Variants in FIG4 observed in about 807,000 individuals in gnomAD.
FIG4 encodes the protein polyphosphoinositide phosphatase.
In FIG4, 112 loss-of-function variants were observed where a neutral mutation model predicts 118.6. That is an observed-to-expected ratio of 0.94 (90% confidence interval 0.81 to 1.11). FIG4 has a LOEUF of 1.11. Among genes scored for constraint, FIG4 ranks in the 50% least tolerant of loss-of-function variants. FIG4 has a pLI of 0.00. For synonymous variants in FIG4, 369 were observed against 381.2 expected, an observed-to-expected ratio of 0.97 and a Z score of 0.37; for missense variants, 969 against 1,111.7, an observed-to-expected ratio of 0.87 and a Z score of 1.83.
At chr6:109,800,227 A>G (rs1343313420) in intron 22 of FIG4, among the ~76,000 whole-genome samples, 2 of 152,114 alleles carry the variant, frequency 1.3e-5, no homozygotes, top group Admixed American at 6.6e-5. Flanking sequence ...CTGCTTTCCA[A>G]TCACTGGGGT....
chr6:109,753,317 C>G (rs1268814237), intron 10 of FIG4, among the ~76,000 whole-genome samples: 1 of 151,958 alleles, frequency 6.6e-6, no homozygotes, highest in African/African-American at 2.4e-5. Context: ...TGTTTTGGTA[C>G]CAGTACCATG....
chr6:109,729,060 A>G (rs1004259780), intron 4 of FIG4, among the ~76,000 whole-genome samples: 4 of 152,304 alleles, frequency 2.6e-5, no homozygotes, highest in Middle Eastern at 3.4e-3. Context: ...ATAAAACTAT[A>G]TAATCCAATA....
intron 22 of FIG4, among the ~76,000 whole-genome samples, chr6:109,818,447 G>T (rs933615626): frequency 6.6e-6 from 1 of 152,096 alleles, no homozygotes; most frequent in Admixed American, 6.6e-5. Context: ...TGATCTGCCT[G>T]CCTCGGTCTC....
chr6:109,724,132 C>A (rs1011661560), intron 3 of FIG4, among the ~76,000 whole-genome samples: 1 of 151,956 alleles, frequency 6.6e-6, no homozygotes, highest in East Asian at 1.9e-4. Flanking sequence ...GGAGGTTCCA[C>A]GAACAAACGA....
intron 21 of FIG4, among the ~76,000 whole-genome samples, chr6:109,794,088 A>G (rs970673325): frequency 6.6e-5 from 10 of 152,230 alleles, no homozygotes; most frequent in African/African-American, 2.4e-4. Context: ...CAAGGATTGA[A>G]GGGGTTACTT....
intron 15 of FIG4, among the ~76,000 whole-genome samples, chr6:109,772,257 C>G (rs1777488946): frequency 6.6e-6 from 1 of 152,190 alleles, no homozygotes; most frequent in South Asian, 2.1e-4. Flanking sequence ...GAGAGAGTCT[C>G]AGTCTCCTAT....
chr6:109,807,940 T>C (rs140109251), intron 22 of FIG4, among the ~76,000 whole-genome samples: 84 of 152,290 alleles, frequency 5.5e-4, no homozygotes, highest in African/African-American at 2.0e-3. Context: ...AGGCCTCTGT[T>C]CTGAACAGAG....
At chr6:109,807,789 G>A (rs1428038097) in intron 22 of FIG4, among the ~76,000 whole-genome samples, 1 of 152,270 alleles carries the variant, frequency 6.6e-6, no homozygotes, top group Non-Finnish European at 1.5e-5. Flanking sequence ...TTTGTATAAG[G>A]TGTAAGGAAG....
At chr6:109,764,815 C>A (rs1777230904) in intron 13 of FIG4, among the ~76,000 whole-genome samples, 198 bp from the exon 14 acceptor site, 1 of 152,170 alleles carries the variant, frequency 6.6e-6, no homozygotes, top group African/African-American at 2.4e-5. Context: ...CCTTATGCAA[C>A]TTTAAACATG....
In FIG4 at chr6:109,738,354, A is replaced by G. The variant is rs367828752; in HGVS notation, c.676A>G (p.Met226Val). The G allele has an allele frequency of 9.9e-6, 16 of 1,609,500 alleles. No individual in the cohort carries two copies. The highest frequency in any genetic ancestry group is 8.0e-5 in the African/African-American group (6 of 74,908). ...ATTTGGGATCTGTAGTGAGCCTTAT[A>G]TGAAATATGTATGGAATGGTGAACT... ...GVFGICSEPYMKYVWNGELLD... is the reference protein window; with the variant it reads ...GVFGICSEPYVKYVWNGELLD... The change falls in exon 7 of 23, where the codon ATG becomes GTG. Residue 226 changes from methionine to valine, a missense_variant. By Grantham distance (21) the Met-to-Val change is conservative (BLOSUM62 1). Transcript: ENST00000230124.
At chr6:109,781,350 C>T (rs1353910728) in intron 16 of FIG4, among the ~76,000 whole-genome samples, 1 of 152,152 alleles carries the variant, frequency 6.6e-6, no homozygotes, top group Non-Finnish European at 1.5e-5. Flanking sequence ...TCAGCTGTTC[C>T]TCATATGCTG....
At chr6:109,709,946 T>C (rs1775206782) in intron 1 of FIG4, among the ~76,000 whole-genome samples, 1 of 152,188 alleles carries the variant, frequency 6.6e-6, no homozygotes, top group Non-Finnish European at 1.5e-5. Context: ...TTGGATACCT[T>C]TTATTTCTTT....
At chr6:109,724,082 A>G (rs1199522184) in intron 3 of FIG4, among the ~76,000 whole-genome samples, 3 of 151,656 alleles carry the variant, frequency 2.0e-5, no homozygotes, top group Non-Finnish European at 4.4e-5. Context: ...ACGTATATCC[A>G]TTGGTTTTTG....
At chr6:109,789,280 A>T (rs1778070266) in intron 18 of FIG4, among the ~76,000 whole-genome samples, 1 of 152,252 alleles carries the variant, frequency 6.6e-6, no homozygotes, top group Non-Finnish European at 1.5e-5. Flanking sequence ...ATTCAAAACT[A>T]CTGGGCCTTG....
At chr6:109,715,946 T>C (rs1775416016) in intron 2 of FIG4, among the ~76,000 whole-genome samples, 2 of 152,228 alleles carry the variant, frequency 1.3e-5, no homozygotes, top group South Asian at 4.1e-4. Context: ...GATAAATTCT[T>C]TGTTACGATT....
At chr6:109,794,494 C>T (rs1375704068) in intron 21 of FIG4, among the ~76,000 whole-genome samples, 2 of 152,206 alleles carry the variant, frequency 1.3e-5, no homozygotes, top group African/African-American at 4.8e-5. Context: ...GAATATCTCC[C>T]CTCTCCATCT....
chr6:109,691,737 G>A (rs1251885823), intron 1 of FIG4, among the ~76,000 whole-genome samples: 1 of 152,174 alleles, frequency 6.6e-6, no homozygotes, highest in Non-Finnish European at 1.5e-5. Context: ...AGCCATGGCT[G>A]GAACACGCTG....
chr6:109,733,984 G>A (rs1562652137), intron 5 of FIG4, among the ~76,000 whole-genome samples: 1 of 151,864 alleles, frequency 6.6e-6, no homozygotes, highest in Non-Finnish European at 1.5e-5. Flanking sequence ...TAGAAAAAAG[G>A]AATTGTTTTA....
At chr6:109,715,667 G>C (rs902120469) in intron 2 of FIG4, among the ~76,000 whole-genome samples, 5 of 152,124 alleles carry the variant, frequency 3.3e-5, no homozygotes, top group Non-Finnish European at 5.9e-5. Flanking sequence ...AGATTATCCA[G>C]AGTCAAGAAT....
Sources: gnomAD v4.1 joint callset for allele counts (sites outside exome capture counted in the v4.1 genomes callset) on GRCh38, gnomAD v4.1.1 for gene constraint, MANE v1.5 for transcripts, NCBI Gene and HGNC (gene_info 2026-07-23, HGNC 2026-07-21) for gene names.